The following ZNF618 variants were observed in gnomAD, a reference collection of about 807,000 sequenced individuals.
ZNF618 encodes neural precursor cell expressed, developmentally down-regulated 10.
Under a neutral mutation model 103.0 loss-of-function variants are expected in ZNF618, and 34 were observed. The observed-to-expected ratio is 0.33, with a 90% confidence interval of 0.25 to 0.44. The LOEUF is 0.44. Ranked by LOEUF, ZNF618 falls within the 20% of genes least tolerant of loss-of-function variation. The pLI is 1.00. For synonymous variants in ZNF618, 551 were observed against 542.2 expected (o/e 1.02, Z -0.23); for missense variants, 1,059 against 1,295.4 (o/e 0.82, Z 2.80).
intron 1 of ZNF618, among the ~76,000 whole-genome samples, chr9:113,965,664 C>A (rs1435754523): frequency 6.6e-6 from 1 of 152,080 alleles, no homozygotes; most frequent in East Asian, 1.9e-4. Flanking sequence ...CTTCTCCGCC[C>A]CCATTTTTTA....
At chr9:113,991,576 C>G (rs1431355163) in intron 3 of ZNF618, among the ~76,000 whole-genome samples, 1 of 152,230 alleles carries the variant, frequency 6.6e-6, no homozygotes, top group Non-Finnish European at 1.5e-5. Context: ...TAAAATGCCT[C>G]TTCAAGAGGA....
intron 1 of ZNF618, among the ~76,000 whole-genome samples, chr9:113,928,854 G>C (rs1833325709): frequency 6.6e-6 from 1 of 152,068 alleles, no homozygotes; most frequent in Admixed American, 6.5e-5. Flanking sequence ...GCATCCCTGG[G>C]CTGTGATCTT....
chr9:113,912,784 T>A (rs1831673317), intron 1 of ZNF618, among the ~76,000 whole-genome samples: 2 of 152,126 alleles, frequency 1.3e-5, no homozygotes, highest in South Asian at 4.2e-4. Context: ...CCTCTGTGGG[T>A]GCCAAGACAG....
Position 114,002,640 on chromosome 9 carries a change from A to C in ZNF618, c.528A>C (p.Ser176=). ...TCTTTGCAGACACCGAAGCCACCTC[A>C]GGGGAGGGAGCCTCCCAAAGCAGTG... ...VRAHRDTEAT[S]GEGASQSNNF... The change falls in exon 6 of 15, where the codon TCA becomes TCC. Residue 176 remains serine, a synonymous_variant. Coordinates refer to ENST00000374126, the MANE Select transcript of ZNF618 (RefSeq NM_001318042.2). 6.2e-7 allele frequency: 1 copy of C among 1,611,254 alleles called. No homozygotes were observed. Among genetic ancestry groups the C allele is most frequent in the African/African-American group, 1.3e-5 (1 of 75,010 alleles).
chr9:113,908,501 T>C (rs1023604159), intron 1 of ZNF618, among the ~76,000 whole-genome samples: 1 of 151,640 alleles, frequency 6.6e-6, no homozygotes, highest in African/African-American at 2.4e-5. Context: ...TGTTATACAT[T>C]TTTTTTTGAC....
At chr9:113,954,528 G>A (rs935929485) in intron 1 of ZNF618, among the ~76,000 whole-genome samples, 6 of 152,222 alleles carry the variant, frequency 3.9e-5, no homozygotes, top group African/African-American at 1.4e-4. Context: ...AGAGCATGGT[G>A]CAGTTCAAGA....
At chr9:113,981,664 A>G (rs1400189552) in intron 2 of ZNF618, among the ~76,000 whole-genome samples, 1 of 152,250 alleles carries the variant, frequency 6.6e-6, no homozygotes, top group East Asian at 1.9e-4. Context: ...CTGAAATGGC[A>G]TCTCTTTGGG....
intron 4 of ZNF618, 52 bp downstream of exon 4, chr9:113,998,406 G>T: frequency 6.8e-7 from 1 of 1,481,222 alleles, no homozygotes; most frequent in Non-Finnish European, 9.2e-7. Context: ...ATGGGTGGGG[G>T]CACAGCTGGA....
At position 114,049,013 on chromosome 9, in the gene ZNF618, G is replaced by A. The variant is rs1479598996; in HGVS notation, c.1711G>A (p.Ala571Thr). 2 of 1,613,242 alleles carry A rather than the reference G, an allele frequency of 1.2e-6. No homozygotes were observed. The highest frequency in any genetic ancestry group is 2.7e-5 in the African/African-American group (2 of 74,928). ...CTGCTACATCCTCACAGCCTACCAG[G>A]CCGAGGGCAACCACATCAAGAGCTA... ...DSCYILTAYQ[A>T]EGNHIKSYVL... is the part of the protein sequence containing the mutation. Residue 571 changes from alanine (A) to threonine (T), a missense_variant, in exon 15 of 15, where the codon GCC (alanine) becomes ACC (threonine). Ala to Thr is a moderately conservative substitution (Grantham distance 58). Around this residue, in one of 6 missense-constraint regions of ZNF618, gnomAD observed 272 missense variants for 380.1 expected, o/e 0.72. Coordinates refer to ENST00000374126, the MANE Select transcript of ZNF618 (RefSeq NM_001318042.2).
At chr9:113,955,146 C>CT (rs3034066) in intron 1 of ZNF618, among the ~76,000 whole-genome samples, 1,763 of 130,514 alleles carry the variant, frequency 0.014, 50 homozygotes, top group African/African-American at 0.042. Context: ...AGTGACTTCT[C>CT]TTTTTTTTTT....
chr9:113,997,821 G>A (rs936911423), intron 3 of ZNF618, among the ~76,000 whole-genome samples: 3 of 152,316 alleles, frequency 2.0e-5, no homozygotes, highest in South Asian at 2.1e-4. Flanking sequence ...GGAGCCAGGC[G>A]TCGGGGCTGA....
At chr9:113,956,210 A>C (rs1327516863) in intron 1 of ZNF618, among the ~76,000 whole-genome samples, 1 of 6,890 alleles carries the variant, frequency 1.5e-4, no homozygotes, top group Non-Finnish European at 2.8e-4. Context: ...ACTCTGTCTC[A>C]AAAAAAAAAA....
At chr9:113,921,268 G>C (rs576595644) in intron 1 of ZNF618, among the ~76,000 whole-genome samples, 1 of 152,336 alleles carries the variant, frequency 6.6e-6, no homozygotes, top group African/African-American at 2.4e-5. Context: ...AATCAGGCCA[G>C]TGTTATGCAC....
intron 13 of ZNF618, among the ~76,000 whole-genome samples, chr9:114,039,350 T>TC (rs1365598301): frequency 1.1e-3 from 131 of 124,688 alleles, no homozygotes; most frequent in Non-Finnish European, 1.6e-3. Flanking sequence ...GTTTTTTTTT[T>TC]TTTTTTTTTC....
At chr9:113,983,967 C>A (rs1345930519) in intron 2 of ZNF618, among the ~76,000 whole-genome samples, 1 of 152,116 alleles carries the variant, frequency 6.6e-6, no homozygotes, top group African/African-American at 2.4e-5. Flanking sequence ...AGGCAGGTAT[C>A]CTTTTGGTCA....
At chr9:113,901,117 C>T (rs1164801952) in intron 1 of ZNF618, among the ~76,000 whole-genome samples, 1 of 146,792 alleles carries the variant, frequency 6.8e-6, no homozygotes, top group Non-Finnish European at 1.5e-5. Context: ...AACCCGACCT[C>T]CTGTCTCCTA....
At position 113,985,546 on chromosome 9, in the gene ZNF618, CATG is replaced by C. The variant is rs200927977; in HGVS notation, c.78-2772_78-2770del. 6.6e-3 allele frequency among the ~76,000 whole-genome samples: 1,001 copies of C among 152,356 alleles called. 11 individuals carry two copies. Among genetic ancestry groups the C allele is most frequent in the African/African-American group, 0.022 (923 of 41,580 alleles). On this transcript the variant is annotated intron_variant, in intron 2 of 14. Transcript: ENST00000374126. The stretch of plus-strand genomic sequence containing the variant: ...CTGGGGGGCCAGGGGGACTCTTGCT[CATG>C]ATATTATCCCCCACAAAGGTGGCAG...
intron 1 of ZNF618, among the ~76,000 whole-genome samples, chr9:113,913,789 T>C (rs750417777): frequency 6.6e-6 from 1 of 152,226 alleles, no homozygotes; most frequent in Non-Finnish European, 1.5e-5. Flanking sequence ...GTAGACTTAA[T>C]GAGCTGTGGA....
At chr9:113,951,014 G>C (rs1306522976) in intron 1 of ZNF618, among the ~76,000 whole-genome samples, 3 of 148,856 alleles carry the variant, frequency 2.0e-5, no homozygotes, top group African/African-American at 4.9e-5. Context: ...AGGAAGGGAG[G>C]GGGGGACAGG....
Sources: gnomAD v4.1 joint callset for allele counts (sites outside exome capture counted in the v4.1 genomes callset) on GRCh38, gnomAD v4.1.1 for gene constraint, gnomAD v4.1.1 regional missense constraint, MANE v1.5 for transcripts, NCBI Gene and HGNC (gene_info 2026-07-23, HGNC 2026-07-21) for gene names.